Variants in TCF20 observed in about 807,000 individuals in gnomAD.
The protein encoded by TCF20 is SPRE-binding protein.
In TCF20, 3 loss-of-function variants were observed where a neutral mutation model predicts 148.6. The ratio of observed to expected loss-of-function variants is 0.02; its 90% CI spans 0.01 to 0.05. The LOEUF is 0.05. Among genes scored for constraint, TCF20 ranks in the 10% least tolerant of loss-of-function variants. The pLI, the probability that TCF20 is intolerant of heterozygous loss-of-function variation, is 1.00. For missense variants in TCF20, 2,350 were observed against 2,429.3 expected, an observed-to-expected ratio of 0.97 and a Z score of 0.69; for synonymous variants, 1,049 against 909.5, an observed-to-expected ratio of 1.15 and a Z score of -2.76.
chr22:42,271,188 C>A (rs1402986936), upstream of TCF20, among the ~76,000 whole-genome samples: 2 of 152,220 alleles, frequency 1.3e-5, no homozygotes, highest in Non-Finnish European at 2.9e-5. Flanking sequence ...CCGCCTGGGT[C>A]CCTGGCAGCC....
intron 1 of TCF20, among the ~76,000 whole-genome samples, chr22:42,277,499 C>T (rs1401512789): frequency 6.6e-6 from 1 of 152,160 alleles, no homozygotes; most frequent in South Asian, 2.1e-4. Flanking sequence ...AGGAAGTAAC[C>T]ACATGGTGAA....
At chr22:42,334,600 C>A (rs1423561706) in intron 1 of TCF20, among the ~76,000 whole-genome samples, 2 of 152,280 alleles carry the variant, frequency 1.3e-5, no homozygotes, top group Admixed American at 6.5e-5. Context: ...AGCCCTTACA[C>A]ACTCGGCACA....
rs1001806980 is a variant in TCF20 at position 42,292,523 on chromosome 22, T to C, written c.-37+50956A>G. On this transcript the variant is annotated intron_variant, in intron 1 of 1. Coordinates refer to the TCF20 transcript ENST00000515426. This position sits in a 1 kb window ranked among gnomAD's most constrained non-coding sequence, Gnocchi z 4.9. The stretch of plus-strand genomic sequence containing the variant: ...ACATAACAAGGGCTCAGCCTGGCCC[T>C]CAATGAGGTAACATCCTGCGTGTCA... Among the ~76,000 whole-genome samples, 4 of 152,106 alleles carry C rather than the reference T, an allele frequency of 2.6e-5. No homozygotes were observed. The East Asian group carries it at 7.7e-4, about 29-fold the overall frequency.
chr22:42,193,197 T>C (rs1269340259), intron 2 of TCF20, among the ~76,000 whole-genome samples: 1 of 150,976 alleles, frequency 6.6e-6, no homozygotes, highest in Non-Finnish European at 1.5e-5. Context: ...TCCAAGAGTC[T>C]CCATGAAGAA....
At chr22:42,179,375 G>A (rs549901306) in intron 3 of TCF20, among the ~76,000 whole-genome samples, 155 of 146,824 alleles carry the variant, frequency 1.1e-3, no homozygotes, top group African/African-American at 3.8e-3. Flanking sequence ...AGCTTAAAGG[G>A]AAAAAAAAAT....
chr22:42,179,361 A>G (rs1291834454), intron 3 of TCF20, among the ~76,000 whole-genome samples: 2 of 151,964 alleles, frequency 1.3e-5, no homozygotes, highest in African/African-American at 4.8e-5. Flanking sequence ...ATTGAGTCCA[A>G]CAGAGCTTAA....
intron 1 of TCF20, among the ~76,000 whole-genome samples, chr22:42,240,640 T>C (rs1015842795): frequency 8.5e-5 from 13 of 152,152 alleles, no homozygotes; most frequent in African/African-American, 2.2e-4. Flanking sequence ...GATTTGCCAG[T>C]GGAGGCCCAG....
rs764188764 is a variant in TCF20 at position 42,192,312 on chromosome 22, G to A, written c.5656-12610C>T. Among the ~76,000 whole-genome samples the A allele has an allele frequency of 4.6e-5, 7 of 152,140 alleles. No homozygotes were observed. In the East Asian group the frequency reaches 5.8e-4, roughly 13 times the overall value. Reference sequence around the variant, plus strand: ...AAATCTGTGAAGATCATACTGAAGCGGAAATCTCCAAAGCTGTTCCAAACA... The same window carrying A: ...AAATCTGTGAAGATCATACTGAAGCAGAAATCTCCAAAGCTGTTCCAAACA... On this transcript the variant is annotated intron_variant, in intron 2 of 5. Transcript: ENST00000677622.
rs1928105110 is a variant in TCF20, at chr22:42,338,437, G to GA, written c.-37+5041_-37+5042insT. Among the ~76,000 whole-genome samples the GA allele has an allele frequency of 6.6e-6, 1 of 151,872 alleles. No homozygotes were observed. The highest frequency in any genetic ancestry group is 2.4e-5 in the African/African-American group (1 of 41,360). On this transcript the variant is annotated intron_variant, in intron 1 of 1. Transcript: ENST00000515426. The surrounding 1 kb of genome is among the most constrained non-coding windows in gnomAD (Gnocchi z 4.0). ...GAGTCGGGAGGGGGGTGCCCAGGGG[G>GA]CCTCAGCAGAGCCCCGTCCCTCCCG...
chr22:42,284,735 T>C (rs1280519899), upstream of TCF20, among the ~76,000 whole-genome samples: 1 of 152,212 alleles, frequency 6.6e-6, no homozygotes, highest in East Asian at 1.9e-4. Context: ...CCTGGGGTCC[T>C]GGCTCTGTTT....
At chr22:42,204,437 G>T (rs1031949622) in intron 2 of TCF20, among the ~76,000 whole-genome samples, 3 of 152,188 alleles carry the variant, frequency 2.0e-5, no homozygotes, top group Non-Finnish European at 4.4e-5. Context: ...GGAGGTTGCC[G>T]TGAGCCGAGA....
At chr22:42,216,552 G>A (rs1278830286) in intron 1 of TCF20, among the ~76,000 whole-genome samples, 3 of 152,154 alleles carry the variant, frequency 2.0e-5, no homozygotes, top group African/African-American at 7.2e-5. Flanking sequence ...CAGGTACAAA[G>A]GGCTAGACTT....
chr22:42,269,087 A>G (rs1281922979), intron 1 of TCF20, among the ~76,000 whole-genome samples: 1 of 152,196 alleles, frequency 6.6e-6, no homozygotes, highest in Non-Finnish European at 1.5e-5. Context: ...TCAAAGCTGT[A>G]AGCAGATTCC....
chr22:42,190,784 C>T (rs1339919876), intron 2 of TCF20, among the ~76,000 whole-genome samples: 2 of 3,022 alleles, frequency 6.6e-4, no homozygotes, highest in African/African-American at 1.7e-3. Flanking sequence ...TTACTATGTA[C>T]ACTTTATTGA....
chr22:42,168,912 TA>T (rs1969724658), intron 4 of TCF20, among the ~76,000 whole-genome samples, 176 bp from the exon 5 acceptor site: 1 of 151,848 alleles, frequency 6.6e-6, no homozygotes, highest in African/African-American at 2.4e-5. Flanking sequence ...ATGTGACCCT[TA>T]AAAAGGGGAG....
chr22:42,186,088 G>T (rs1263898737), intron 2 of TCF20, among the ~76,000 whole-genome samples: 1 of 152,250 alleles, frequency 6.6e-6, no homozygotes, highest in Non-Finnish European at 1.5e-5. Context: ...AATCAATTAT[G>T]ATGTCAGTAT....
chr22:42,169,983 A>G, intron 3 of TCF20, 87 bp from the exon 4 acceptor site: 2 of 1,392,158 alleles, frequency 1.4e-6, no homozygotes, highest in Non-Finnish European at 2.0e-6. Flanking sequence ...AGGGTCAGAC[A>G]TAAAGGTAGC....
At chr22:42,333,179 T>C (rs1928007372) in intron 1 of TCF20, among the ~76,000 whole-genome samples, 1 of 152,260 alleles carries the variant, frequency 6.6e-6, no homozygotes, top group Non-Finnish European at 1.5e-5. Context: ...TAGAGGACGG[T>C]GCACCCAGTC....
chr22:42,176,967 T>C (rs1936489617), intron 3 of TCF20, among the ~76,000 whole-genome samples: 1 of 152,194 alleles, frequency 6.6e-6, no homozygotes, highest in Admixed American at 6.5e-5. Context: ...CAACATTATA[T>C]TGTATAGTTT....
Sources: allele counts gnomAD v4.1 joint callset (sites outside exome capture counted in the v4.1 genomes callset), GRCh38; gene constraint gnomAD v4.1.1; non-coding constraint Gnocchi (gnomAD v3.1); transcripts MANE v1.5; gene names NCBI Gene and HGNC (gene_info 2026-07-23, HGNC 2026-07-21).